Variants in SEMA4G observed in about 807,000 individuals in gnomAD.
SEMA4G encodes the protein semaphorin-4G.
A neutral mutation model predicts 81.2 loss-of-function variants in SEMA4G; 59 were observed. That is an observed-to-expected ratio of 0.73 (90% CI 0.59 to 0.90). The LOEUF (loss-of-function observed/expected upper bound fraction) is 0.90, where lower values mean the gene tolerates loss of function less well. SEMA4G is among the 40% of genes least tolerant of loss of function. The pLI is 0.00. For missense variants in SEMA4G, 952 were observed against 1,102.3 expected, an observed-to-expected ratio of 0.86 and a Z score of 1.93; for synonymous variants, 404 against 433.9, an observed-to-expected ratio of 0.93 and a Z score of 0.86.
In SEMA4G at chr10:100,983,377, C is replaced by A. The variant is rs1305846909; in HGVS notation, c.1763C>A (p.Ser588Tyr). 3 of 1,608,790 alleles carry A rather than the reference C, an allele frequency of 1.9e-6. No individual in the cohort carries two copies. In the South Asian group the frequency reaches 3.3e-5, roughly 18 times the overall value. Residue 588 changes from serine (S) to tyrosine (Y), a missense_variant, in exon 14 of 14, where the codon TCC becomes TAC. By Grantham distance (144) the Ser-to-Tyr change is moderately radical (BLOSUM62 -2). Around this residue, in one of 3 missense-constraint regions of SEMA4G, gnomAD observed 385 missense variants for 413.5 expected, o/e 0.93. Coordinates refer to ENST00000370250, the Ensembl canonical transcript of SEMA4G. Reference sequence around the variant, plus strand: ...GTCCTCCTGCCCTGTGACCAGCCATCCAACCTGGCCCGGGCCTTGTGGCTA... The same window carrying A: ...GTCCTCCTGCCCTGTGACCAGCCATACAACCTGGCCCGGGCCTTGTGGCTA...
chr10:100,978,815 G>A lies in SEMA4G; in HGVS notation c.644-34G>A, dbSNP rs543987417. 45 of 1,606,270 alleles carry A rather than the reference G, an allele frequency of 2.8e-5. 1 individual carries two copies. The South Asian group carries it at 4.4e-4, about 16-fold the overall frequency. ...AGTGAGGGAAAGGAATCCCCAGCCT[G>A]TCTCAAAAGCCTCTCAAACTGCCTG... is the stretch of plus-strand genomic sequence containing the variant. On this transcript the variant is annotated intron_variant, in intron 6 of 13. Transcript: ENST00000370250.
Position 100,973,307 on chromosome 10 carries a change from G to T in SEMA4G, c.273+30G>T. Reference sequence around the variant, plus strand: ...GGCCCTGGAACCTGGACCACCCAGAGGGTCTCTATGCTTATCCAGCTCCCT... The same window carrying T: ...GGCCCTGGAACCTGGACCACCCAGATGGTCTCTATGCTTATCCAGCTCCCT... On this transcript the variant is annotated intron_variant, in intron 2 of 13. Transcript: ENST00000370250. This position sits in a 1 kb window ranked among gnomAD's most constrained non-coding sequence, Gnocchi z 5.5. 1 of 1,610,068 alleles carries T rather than the reference G, an allele frequency of 6.2e-7. No homozygotes were observed.
chr10:100,983,903 A>G (rs747411482), exon 14 of SEMA4G: 3 of 119,558 alleles, frequency 2.5e-5, no homozygotes, highest in African/African-American at 1.1e-4. Context: ...AGGGAGCCCC[A>G]GCCCCACCAC....
rs1850667867 is a variant in SEMA4G, at chr10:100,972,749, CA to C, written c.-163del. The C allele has an allele frequency of 1.4e-5, 9 of 623,420 alleles. No homozygotes were observed. The highest frequency in any genetic ancestry group is 4.4e-4 in the Middle Eastern group (1 of 2,258). The allele number at this position is 623,420 out of a possible 1,614,324, so 38.6% of individuals were successfully genotyped here. A position where few individuals can be genotyped will look rare whatever the true frequency, so the allele number is the denominator to read the frequency against. ...ATGTCCCCCCGATTCCAGGACCCCC[CA>C]TGGCCCCATGATTCCTTGACTCCTA... On this transcript the variant is annotated 5_prime_UTR_variant, in exon 1 of 14. It removes an upstream start codon present in the reference 5' UTR. Transcript: ENST00000370250.
In SEMA4G at chr10:100,981,152, T is replaced by C. The variant is rs753523560; in HGVS notation, c.1629-16T>C. On this transcript the variant is annotated splice_polypyrimidine_tract_variant and intron_variant, in intron 12 of 13. Coordinates refer to ENST00000370250, the Ensembl canonical transcript of SEMA4G. ...CCCAGTTCCCCTTGTTCATAAAACC[T>C]GATCTTCTGTCCCAGGACAGCACTG... 1.9e-6 allele frequency: 3 copies of C among 1,614,150 alleles called. No homozygotes were observed. The highest frequency in any genetic ancestry group is 2.5e-6 in the Non-Finnish European group (3 of 1,179,986).
exon 14 of SEMA4G, chr10:100,984,108 C>G (rs754349112): frequency 6.2e-7 from 1 of 1,612,120 alleles, no homozygotes; most frequent in South Asian, 1.1e-5. Context: ...GCTCGTGGAG[C>G]AGCTAGATGA....
At position 100,981,163 on chromosome 10, in the gene SEMA4G, C is replaced by T. The variant is rs1427067106; in HGVS notation, c.1629-5C>T. 2.8e-5 allele frequency: 46 copies of T among 1,614,054 alleles called. No homozygotes were observed. Among genetic ancestry groups the T allele is most frequent in the Non-Finnish European group, 3.8e-5 (45 of 1,180,014 alleles). On this transcript the variant is annotated splice_polypyrimidine_tract_variant and splice_region_variant and intron_variant, in intron 12 of 13. Transcript: ENST00000370250. ...TTGTTCATAAAACCTGATCTTCTGTCCCAGGACAGCACTGATACAGGACAT... is the reference window on the plus strand; with the variant it reads ...TTGTTCATAAAACCTGATCTTCTGTTCCAGGACAGCACTGATACAGGACAT...
At chr10:100,984,091 A>C (rs1851292306) in exon 14 of SEMA4G, 24 of 1,613,530 alleles carry the variant, frequency 1.5e-5, no homozygotes, top group Non-Finnish European at 2.0e-5. Flanking sequence ...AAAAGGAAGC[A>C]CACGCAGCTC....
chr10:100,975,851 G>T (rs772399531), intron 3 of SEMA4G, among the ~76,000 whole-genome samples: 3 of 152,082 alleles, frequency 2.0e-5, no homozygotes, highest in Non-Finnish European at 4.4e-5. Context: ...AGTGAGCTGA[G>T]ATCATGCACT....
chr10:100,978,797 G>T, intron 6 of SEMA4G, 52 bp from the exon 8 acceptor site: 1 of 1,597,660 alleles, frequency 6.3e-7, no homozygotes, highest in Non-Finnish European at 8.6e-7. Flanking sequence ...CAGAGTGAGG[G>T]AAAGGAATCC....
At chr10:100,969,994 G>A, upstream of SEMA4G, 1 of 428,054 alleles carries the variant, frequency 2.3e-6, no homozygotes, top group East Asian at 7.5e-5. Flanking sequence ...CCGGGGGAGG[G>A]GCTCTCTCAA....
At chr10:100,978,821 A>T in intron 6 of SEMA4G, 28 bp from the exon 8 acceptor site, 4 of 1,608,650 alleles carry the variant, frequency 2.5e-6, no homozygotes, top group Non-Finnish European at 3.4e-6. Context: ...GCCTGTCTCA[A>T]AAGCCTCTCA....
chr10:100,977,755 A>C, intron 4 of SEMA4G, 25 bp downstream of exon 5: 1 of 1,567,446 alleles, frequency 6.4e-7, no homozygotes. Context: ...GTTGTGCCAG[A>C]TCTCTGTTGA....
upstream of SEMA4G, chr10:100,969,582 G>C (rs1332295021): frequency 1.3e-5 from 3 of 232,478 alleles, no homozygotes; most frequent in South Asian, 3.8e-5. Context: ...CCCCGGATCC[G>C]AGCGCAAAGG....
exon 14 of SEMA4G, chr10:100,984,767 C>CT (rs1564801421): frequency 6.5e-7 from 1 of 1,536,046 alleles, no homozygotes. Context: ...GTGGTGACCT[C>CT]TTTGTCAAGA....
Position 100,983,572 on chromosome 10 carries a change from C to CCA in SEMA4G, c.1960_1961dup (p.Pro655LeufsTer20), listed in dbSNP as rs1392472908. On this transcript the variant is annotated frameshift_variant, in exon 14 of 14. Coordinates refer to ENST00000370250, the Ensembl canonical transcript of SEMA4G. LOFTEE classifies it high-confidence loss of function. ...TCCTATAGTCTCACAGTCCGGCCAG[C>CCA]CACTCCTGCCCCAGCTCCAAAAGCC... 2.5e-6 allele frequency: 4 copies of CCA among 1,613,824 alleles called. No homozygotes were observed. The Admixed American group carries it at 6.7e-5, about 27-fold the overall frequency.
rs139918504 is a variant in SEMA4G, at chr10:100,972,989, C to G, written c.77C>G (p.Pro26Arg). Residue 26 changes from proline (P) to arginine (R), a missense_variant, in exon 1 of 14, where the codon CCG becomes CGG. By Grantham distance (103) the Pro-to-Arg change is moderately radical. This residue lies in a region of SEMA4G where 436 missense variants were observed against 488.2 expected (regional missense o/e 0.89). Coordinates refer to ENST00000370250, the Ensembl canonical transcript of SEMA4G. ...GTCCCAGGACCCTCACTGCGGAGAC[C>G]GTCTAGAGAACTAGATGCCACCCCT... The G allele has an allele frequency of 1.9e-5, 31 of 1,613,940 alleles. No homozygotes were observed. The South Asian group carries it at 3.3e-4, about 17-fold the overall frequency.
At position 100,979,087 on chromosome 10, in the gene SEMA4G, C is replaced by T. The variant is rs970191301; in HGVS notation, c.814-15C>T. The stretch of plus-strand genomic sequence containing the variant: ...TCTGACCCTGGCCCCTTATCCCGTG[C>T]CTCTACCTCCCCAGGGAGACCTGGG... On this transcript the variant is annotated splice_polypyrimidine_tract_variant and intron_variant, in intron 7 of 13. Coordinates refer to ENST00000370250, the Ensembl canonical transcript of SEMA4G. The T allele has an allele frequency of 1.2e-6, 2 of 1,613,476 alleles. No homozygotes were observed. Among genetic ancestry groups the T allele is most frequent in the Non-Finnish European group, 8.5e-7 (1 of 1,179,680 alleles).
At chr10:100,980,894 T>C in exon 12 of SEMA4G, 1 of 1,612,294 alleles carries the variant, frequency 6.2e-7, no homozygotes, top group Non-Finnish European at 8.5e-7. Flanking sequence ...CTACCGATCC[T>C]GCTATGACTG....
Sources: gnomAD v4.1 joint callset for allele counts (sites outside exome capture counted in the v4.1 genomes callset) on GRCh38, gnomAD v4.1.1 for gene constraint, gnomAD v4.1.1 regional missense constraint, Gnocchi (gnomAD v3.1) non-coding constraint, MANE v1.5 for transcripts, NCBI Gene and HGNC (gene_info 2026-07-23, HGNC 2026-07-21) for gene names.